Variants in ST6GALNAC3 observed in about 807,000 individuals in gnomAD.
The protein encoded by ST6GALNAC3 is ST6 N-acetylgalactosaminide alpha-2,6-sialyltransferase 3, also known as alpha-N-acetylgalactosaminide alpha-2,6-sialyltransferase 3.
ST6GALNAC3 carries 25 observed loss-of-function variants against 32.7 expected under a neutral mutation model. The observed-to-expected ratio is 0.76, with a 90% confidence interval of 0.56 to 1.07. The LOEUF is 1.07. Among genes scored for constraint, ST6GALNAC3 ranks in the 50% least tolerant of loss-of-function variants. The probability of loss-of-function intolerance (pLI) is 0.00; values close to 1 mark genes in which losing one functional copy is unlikely to be tolerated. For missense variants in ST6GALNAC3, 355 were observed against 382.4 expected, an observed-to-expected ratio of 0.93 and a Z score of 0.60; for synonymous variants, 129 against 133.1, an observed-to-expected ratio of 0.97 and a Z score of 0.21.
At chr1:76,449,302 C>T (rs757822620) in intron 3 of ST6GALNAC3, among the ~76,000 whole-genome samples, 1 of 152,162 alleles carries the variant, frequency 6.6e-6, no homozygotes, top group Non-Finnish European at 1.5e-5. Context: ...CTGAATATGA[C>T]AGTTTATTTA....
chr1:76,109,256 G>A (rs1052260304), intron 1 of ST6GALNAC3, among the ~76,000 whole-genome samples: 3 of 152,114 alleles, frequency 2.0e-5, no homozygotes, highest in Non-Finnish European at 4.4e-5. Context: ...CTTTTCTCCT[G>A]GCTACACTCT....
intron 3 of ST6GALNAC3, among the ~76,000 whole-genome samples, chr1:76,609,542 A>G (rs2100661163): frequency 6.6e-6 from 1 of 152,320 alleles, no homozygotes; most frequent in East Asian, 1.9e-4. Context: ...CCATAAATTA[A>G]TTTAATATAG....
chr1:76,115,577 G>A (rs565162136), intron 1 of ST6GALNAC3, among the ~76,000 whole-genome samples: 1 of 152,232 alleles, frequency 6.6e-6, no homozygotes, highest in East Asian at 1.9e-4. Context: ...CAGATGAGTG[G>A]CTAGTAGCCT....
intron 2 of ST6GALNAC3, among the ~76,000 whole-genome samples, chr1:76,395,144 A>G (rs1652852209): frequency 6.6e-6 from 1 of 152,120 alleles, no homozygotes; most frequent in Non-Finnish European, 1.5e-5. Context: ...TCGAGTTCCA[A>G]AAAATGTAAA....
At chr1:76,445,570 A>G (rs763850516) in intron 3 of ST6GALNAC3, among the ~76,000 whole-genome samples, 5 of 152,184 alleles carry the variant, frequency 3.3e-5, no homozygotes, top group African/African-American at 4.8e-5. Context: ...GAACGAAACA[A>G]TATGTACTAT....
At chr1:76,378,923 G>A (rs938673231) in intron 2 of ST6GALNAC3, among the ~76,000 whole-genome samples, 7 of 151,970 alleles carry the variant, frequency 4.6e-5, no homozygotes, top group Non-Finnish European at 1.0e-4. Context: ...TTGAGATGGC[G>A]TCTCACTCTG....
intron 2 of ST6GALNAC3, among the ~76,000 whole-genome samples, chr1:76,394,325 G>A (rs144593523): frequency 2.4e-3 from 360 of 152,230 alleles, no homozygotes; most frequent in Non-Finnish European, 4.2e-3. Context: ...GAGATGAGAT[G>A]AAAGTGAAAT....
intron 3 of ST6GALNAC3, among the ~76,000 whole-genome samples, chr1:76,565,861 G>A (rs1035953554): frequency 7.2e-5 from 11 of 152,128 alleles, no homozygotes; most frequent in Non-Finnish European, 1.5e-4. Context: ...AAGAAATTCA[G>A]GAGAAGAAAG....
intron 1 of ST6GALNAC3, among the ~76,000 whole-genome samples, chr1:76,144,581 T>G (rs1201490684): frequency 6.6e-6 from 1 of 152,208 alleles, no homozygotes; most frequent in African/African-American, 2.4e-5. Context: ...CACGGAAGGA[T>G]TCCCCCTGCC....
At chr1:76,588,659 C>T (rs186745472) in intron 3 of ST6GALNAC3, among the ~76,000 whole-genome samples, 25 of 152,266 alleles carry the variant, frequency 1.6e-4, no homozygotes, top group Admixed American at 1.6e-3. Context: ...TTGACAATCA[C>T]GGGTACTAGC....
intron 2 of ST6GALNAC3, among the ~76,000 whole-genome samples, chr1:76,320,215 T>C (rs1557783627): frequency 6.6e-6 from 1 of 152,142 alleles, no homozygotes; most frequent in Admixed American, 6.5e-5. Context: ...TCAGAATATG[T>C]ATTGTGCATT....
At chr1:76,552,721 T>A (rs891514389) in intron 3 of ST6GALNAC3, among the ~76,000 whole-genome samples, 4 of 152,170 alleles carry the variant, frequency 2.6e-5, no homozygotes, top group Non-Finnish European at 5.9e-5. Flanking sequence ...ATGTGCCTCA[T>A]ATTTATTTTT....
chr1:76,412,705 T>C (rs1654347887), intron 3 of ST6GALNAC3, among the ~76,000 whole-genome samples: 1 of 152,060 alleles, frequency 6.6e-6, no homozygotes, highest in African/African-American at 2.4e-5. Context: ...ATTGATTGAG[T>C]TGGATTTCAG....
At chr1:76,484,154 A>G (rs1401355173) in intron 3 of ST6GALNAC3, among the ~76,000 whole-genome samples, 1 of 152,068 alleles carries the variant, frequency 6.6e-6, no homozygotes, top group Non-Finnish European at 1.5e-5. Context: ...GTCAGGTAGC[A>G]TGATGCCTCC....
At chr1:76,331,824 T>C (rs1283634524) in intron 2 of ST6GALNAC3, among the ~76,000 whole-genome samples, 2 of 152,186 alleles carry the variant, frequency 1.3e-5, no homozygotes, top group African/African-American at 2.4e-5. Flanking sequence ...GAGTAGTAGC[T>C]CAAGAATTGC....
At chr1:76,212,635 C>T (rs923678751) in intron 1 of ST6GALNAC3, among the ~76,000 whole-genome samples, 1 of 152,094 alleles carries the variant, frequency 6.6e-6, no homozygotes, top group South Asian at 2.1e-4. Context: ...TTCTACCACA[C>T]AATATTGAAG....
chr1:76,340,896 C>A (rs530759989), intron 2 of ST6GALNAC3, among the ~76,000 whole-genome samples: 49 of 152,048 alleles, frequency 3.2e-4, no homozygotes, highest in African/African-American at 1.0e-3. Flanking sequence ...ATGACCAAGG[C>A]AAGGTCACAG....
At chr1:76,307,887 A>T (rs1476543054) in intron 1 of ST6GALNAC3, 15 of 515,948 alleles carry the variant, frequency 2.9e-5, no homozygotes, top group Non-Finnish European at 1.2e-5. Context: ...TTATTTTGGA[A>T]TAGGTATTTC....
chr1:76,255,030 CT>C (rs11444517), intron 1 of ST6GALNAC3, among the ~76,000 whole-genome samples: 48 of 146,290 alleles, frequency 3.3e-4, no homozygotes, highest in Non-Finnish European at 3.6e-4. Flanking sequence ...CTCTCTCTCT[CT>C]TTTTTTTTTT....
Sources: gnomAD v4.1 joint callset for allele counts (sites outside exome capture counted in the v4.1 genomes callset) on GRCh38, gnomAD v4.1.1 for gene constraint, MANE v1.5 for transcripts, NCBI Gene and HGNC (gene_info 2026-07-23, HGNC 2026-07-21) for gene names.